The following RTN1 variants were observed in gnomAD, a reference collection of about 807,000 sequenced individuals.
The protein encoded by RTN1 is reticulon-1.
RTN1 carries 25 observed loss-of-function variants against 65.5 expected under a neutral mutation model. The observed-to-expected ratio is 0.38, with a 90% confidence interval of 0.28 to 0.53. RTN1 has a LOEUF of 0.53. Ranked by LOEUF, RTN1 falls within the 20% of genes least tolerant of loss-of-function variation. The pLI, the probability that RTN1 is intolerant of heterozygous loss-of-function variation, is 0.79. For synonymous variants in RTN1, 471 were observed against 447.6 expected (o/e 1.05, Z -0.66); for missense variants, 983 against 1,025.4 (o/e 0.96, Z 0.57).
At chr14:59,672,636 T>TTTC (rs1338446509) in intron 3 of RTN1, among the ~76,000 whole-genome samples, 5 of 118,500 alleles carry the variant, frequency 4.2e-5, no homozygotes, top group Non-Finnish European at 8.2e-5. Flanking sequence ...TTTTTTTTTT[T>TTTC]TTTTTTTTTT....
intron 3 of RTN1, among the ~76,000 whole-genome samples, chr14:59,712,486 A>C (rs1241707289): frequency 1.3e-5 from 2 of 152,206 alleles, no homozygotes; most frequent in Admixed American, 1.3e-4. Context: ...ATACTTTGGA[A>C]AGAGCTTATT....
chr14:59,867,213 T>C (rs774841217), intron 1 of RTN1, among the ~76,000 whole-genome samples: 7 of 152,236 alleles, frequency 4.6e-5, no homozygotes, highest in Non-Finnish European at 1.0e-4. Context: ...ACCATTCTTT[T>C]TTCCTTTTGT....
intron 3 of RTN1, among the ~76,000 whole-genome samples, chr14:59,637,710 CAAA>C (rs36015610): frequency 3.6e-5 from 4 of 112,218 alleles, no homozygotes; most frequent in Non-Finnish European, 3.8e-5. Context: ...GACTCCGTCT[CAAA>C]AAAAAAAAAA....
chr14:59,804,260 A>G (rs566008053), intron 1 of RTN1, among the ~76,000 whole-genome samples: 10 of 152,068 alleles, frequency 6.6e-5, no homozygotes, highest in Non-Finnish European at 1.3e-4. Context: ...CTCAATTAGG[A>G]TTTGTATTGT....
At chr14:59,719,515 T>C (rs1197054200) in intron 3 of RTN1, among the ~76,000 whole-genome samples, 2 of 152,248 alleles carry the variant, frequency 1.3e-5, no homozygotes, top group Non-Finnish European at 2.9e-5. Context: ...TGGATTCAAG[T>C]CTGCTTTGGT....
At chr14:59,831,205 A>G (rs1202382064) in intron 1 of RTN1, among the ~76,000 whole-genome samples, 1 of 152,200 alleles carries the variant, frequency 6.6e-6, no homozygotes, top group Non-Finnish European at 1.5e-5. Flanking sequence ...ATACTTGCTC[A>G]GACATTATTC....
chr14:59,701,427 A>G (rs770293664), intron 3 of RTN1, among the ~76,000 whole-genome samples: 1 of 152,236 alleles, frequency 6.6e-6, no homozygotes, highest in Non-Finnish European at 1.5e-5. Context: ...TCAAATGTCC[A>G]CCAAATGATG....
intron 1 of RTN1, among the ~76,000 whole-genome samples, chr14:59,863,784 G>C (rs1262462586): frequency 5.9e-5 from 9 of 152,168 alleles, no homozygotes; most frequent in Admixed American, 2.6e-4. Flanking sequence ...CCTAAAACTT[G>C]CTCTTCCTAA....
At chr14:59,830,623 T>C (rs894316720) in intron 1 of RTN1, among the ~76,000 whole-genome samples, 20 of 152,336 alleles carry the variant, frequency 1.3e-4, no homozygotes, top group African/African-American at 4.6e-4. Flanking sequence ...CCTCAGGTCA[T>C]CCCTTAGGCC....
chr14:59,800,106 G>C (rs1886512744), intron 1 of RTN1, among the ~76,000 whole-genome samples: 1 of 152,174 alleles, frequency 6.6e-6, no homozygotes, highest in Admixed American at 6.5e-5. Flanking sequence ...AGTGAGGCAG[G>C]AAAATTGAGA....
intron 3 of RTN1, among the ~76,000 whole-genome samples, chr14:59,636,052 TG>T (rs1335137743): frequency 1.3e-5 from 2 of 152,172 alleles, no homozygotes; most frequent in Non-Finnish European, 2.9e-5. Context: ...ACTATCAGAT[TG>T]GATGAAAAAA....
At chr14:59,633,633 C>T (rs987254628) in intron 3 of RTN1, among the ~76,000 whole-genome samples, 5 of 152,230 alleles carry the variant, frequency 3.3e-5, no homozygotes, top group African/African-American at 1.2e-4. Context: ...ATAAAGCTTG[C>T]TAAAAGTAGG....
chr14:59,861,031 C>T (rs1301176883), intron 1 of RTN1, among the ~76,000 whole-genome samples: 1 of 152,102 alleles, frequency 6.6e-6, no homozygotes, highest in African/African-American at 2.4e-5. Flanking sequence ...TGAGTTAATA[C>T]TGCAACGAGT....
chr14:59,848,160 C>G (rs1364913010), intron 1 of RTN1, among the ~76,000 whole-genome samples: 17 of 152,168 alleles, frequency 1.1e-4, no homozygotes, highest in Non-Finnish European at 1.5e-5. Flanking sequence ...CATTATTATG[C>G]CTTTTATCTA....
chr14:59,674,265 A>G (rs549545124), intron 3 of RTN1, among the ~76,000 whole-genome samples: 119 of 152,358 alleles, frequency 7.8e-4, no homozygotes, highest in Non-Finnish European at 1.4e-3. Flanking sequence ...TGGGTGGTCT[A>G]CTAGCAGTGG....
intron 3 of RTN1, among the ~76,000 whole-genome samples, chr14:59,644,397 C>T (rs560531406): frequency 2.6e-5 from 4 of 152,294 alleles, no homozygotes; most frequent in African/African-American, 7.2e-5. Context: ...GGTCTCTTTA[C>T]AACCCTCAGG....
intron 3 of RTN1, among the ~76,000 whole-genome samples, chr14:59,713,202 C>G (rs1030492547): frequency 6.6e-6 from 1 of 152,030 alleles, no homozygotes; most frequent in Admixed American, 6.6e-5. Context: ...TTCTTTAACG[C>G]AGTGAAAAGG....
rs1393666154 is a variant in RTN1 at position 59,727,929 on chromosome 14, T to TA, written c.1016-262dup. On this transcript the variant is annotated intron_variant, in intron 2 of 8. Transcript: ENST00000267484. This position sits in a 1 kb window ranked among gnomAD's most constrained non-coding sequence, Gnocchi z 4.2. ...CCTCTCTATCTTCAGCTAGCTATTTTAAAAAATGACCCAGCAATATCTTAG... is the reference window on the plus strand; with the variant it reads ...CCTCTCTATCTTCAGCTAGCTATTTTAAAAAAATGACCCAGCAATATCTTAG... Among the ~76,000 whole-genome samples, 2 of 152,194 alleles carry TA rather than the reference T, an allele frequency of 1.3e-5. No homozygotes were observed. The highest frequency in any genetic ancestry group is 3.9e-4 in the East Asian group (2 of 5,182).
intron 3 of RTN1, among the ~76,000 whole-genome samples, chr14:59,699,024 C>T (rs1447641920): frequency 2.6e-5 from 4 of 152,088 alleles, no homozygotes; most frequent in Non-Finnish European, 5.9e-5. Flanking sequence ...CAAGAGGAAA[C>T]CCATTTGAAT....
Sources: gnomAD v4.1 joint callset for allele counts (sites outside exome capture counted in the v4.1 genomes callset) on GRCh38, gnomAD v4.1.1 for gene constraint, Gnocchi (gnomAD v3.1) non-coding constraint, MANE v1.5 for transcripts, NCBI Gene and HGNC (gene_info 2026-07-23, HGNC 2026-07-21) for gene names.